Variants in PPP1R8 observed in about 807,000 individuals in gnomAD.
PPP1R8 encodes the protein protein phosphatase 1 regulatory subunit 8, also known as nuclear inhibitor of protein phosphatase 1.
A neutral mutation model predicts 31.3 loss-of-function variants in PPP1R8; 4 were observed. That is an observed-to-expected ratio of 0.13 (90% confidence interval 0.06 to 0.29). The LOEUF is 0.29. Among genes scored for constraint, PPP1R8 ranks in the 10% least tolerant of loss-of-function variants. The pLI, the probability that PPP1R8 is intolerant of heterozygous loss-of-function variation, is 1.00. For missense variants in PPP1R8, 254 were observed against 440.1 expected, an observed-to-expected ratio of 0.58 and a Z score of 3.78; for synonymous variants, 170 against 169.7, an observed-to-expected ratio of 1.00 and a Z score of -0.01.
At chr1:27,831,108 C>CTTTT in intron 1 of PPP1R8, 1 of 1,352,168 alleles carries the variant, frequency 7.4e-7, no homozygotes. Context: ...GGGTTGGGGG[C>CTTTT]TCAAAGGCGC....
chr1:27,831,630 A>G (rs760362385), intron 1 of PPP1R8, among the ~76,000 whole-genome samples: 1 of 152,188 alleles, frequency 6.6e-6, no homozygotes, highest in Non-Finnish European at 1.5e-5. Flanking sequence ...TTGTATTGCC[A>G]TCCTCAAGGG....
At chr1:27,833,695 C>T (rs796743153) in intron 2 of PPP1R8, among the ~76,000 whole-genome samples, 45 of 152,178 alleles carry the variant, frequency 3.0e-4, no homozygotes, top group African/African-American at 1.0e-3. Context: ...GTTCAAGGCC[C>T]CATTATTGAA....
chr1:27,848,779 T>G (rs2089310600), intron 6 of PPP1R8, among the ~76,000 whole-genome samples: 1 of 152,226 alleles, frequency 6.6e-6, no homozygotes, highest in South Asian at 2.1e-4. Context: ...CCTTGAGCTT[T>G]TTTGTTTGTT....
chr1:27,846,118 C>T (rs2089277862), intron 5 of PPP1R8, among the ~76,000 whole-genome samples: 1 of 152,138 alleles, frequency 6.6e-6, no homozygotes, highest in Non-Finnish European at 1.5e-5. Context: ...AACAAGCAAC[C>T]TCATTGAAAA....
chr1:27,840,936 T>C, intron 3 of PPP1R8, 78 bp from the exon 4 acceptor site: 1 of 1,441,610 alleles, frequency 6.9e-7, no homozygotes, highest in South Asian at 1.2e-5. Flanking sequence ...GATAAGAGAG[T>C]TGGCGATCAT....
intron 5 of PPP1R8, among the ~76,000 whole-genome samples, chr1:27,843,649 AAAG>A (rs1013722797): frequency 6.2e-5 from 9 of 146,160 alleles, no homozygotes; most frequent in Non-Finnish European, 1.2e-4. Flanking sequence ...GACAAAAAAA[AAAG>A]AAAGAAAAAG....
At chr1:27,845,575 C>T (rs983727234) in intron 5 of PPP1R8, among the ~76,000 whole-genome samples, 16 of 151,822 alleles carry the variant, frequency 1.1e-4, no homozygotes, top group Admixed American at 9.2e-4. Flanking sequence ...TGTCCTTTCT[C>T]GTCTATATAG....
chr1:27,846,905 AG>A, intron 5 of PPP1R8, 122 bp from the exon 6 acceptor site: 1 of 790,772 alleles, frequency 1.3e-6, no homozygotes, highest in Non-Finnish European at 2.2e-6. Context: ...GCACCCAGGA[AG>A]CACTCTCTGT....
intron 2 of PPP1R8, among the ~76,000 whole-genome samples, chr1:27,837,500 G>T (rs905628388): frequency 2.6e-5 from 4 of 151,814 alleles, no homozygotes; most frequent in Admixed American, 2.6e-4. Flanking sequence ...AGTTGGGCCG[G>T]GCGCAGCGGT....
At chr1:27,835,270 A>G (rs1039124786) in intron 2 of PPP1R8, among the ~76,000 whole-genome samples, 5 of 152,216 alleles carry the variant, frequency 3.3e-5, no homozygotes, top group African/African-American at 1.2e-4. Context: ...TTGTGACAGC[A>G]TAATCCATGT....
rs764734189 is a variant in PPP1R8, at chr1:27,830,821, A to G, written c.-15A>G. The G allele has an allele frequency of 7.0e-6, 11 of 1,571,978 alleles. No individual in the cohort carries two copies. Among genetic ancestry groups the G allele is most frequent in the African/African-American group, 1.4e-5 (1 of 73,852 alleles). On this transcript the variant is annotated 5_prime_UTR_variant, in exon 1 of 7. Coordinates refer to ENST00000311772, the MANE Select transcript of PPP1R8 (RefSeq NM_014110.5). ...GCGTGCTTAGGGCGCGCCAAATGGGAGGGGGAGACGCAAGATGGCGGCAGC... is the reference window on the plus strand; with the variant it reads ...GCGTGCTTAGGGCGCGCCAAATGGGGGGGGGAGACGCAAGATGGCGGCAGC...
At chr1:27,847,765 G>A (rs1192674663) in intron 6 of PPP1R8, among the ~76,000 whole-genome samples, 1 of 152,098 alleles carries the variant, frequency 6.6e-6, no homozygotes, top group African/African-American at 2.4e-5. Context: ...GTGCTGTTGA[G>A]TGAGTGCTTA....
At chr1:27,844,042 G>A (rs947083548) in intron 5 of PPP1R8, among the ~76,000 whole-genome samples, 3 of 151,648 alleles carry the variant, frequency 2.0e-5, no homozygotes, top group Admixed American at 1.3e-4. Flanking sequence ...TCATTCTGTC[G>A]CCCAGGCTAG....
intron 3 of PPP1R8, among the ~76,000 whole-genome samples, chr1:27,839,967 G>A (rs1314037571): frequency 6.6e-6 from 1 of 152,058 alleles, no homozygotes. Flanking sequence ...GGCTTAAGTG[G>A]GAGGATCGTT....
chr1:27,842,062 C>T (rs970520269), intron 4 of PPP1R8, among the ~76,000 whole-genome samples: 4 of 152,152 alleles, frequency 2.6e-5, no homozygotes, highest in African/African-American at 7.2e-5. Flanking sequence ...CAACTTAGGC[C>T]GGGCACAGTG....
chr1:27,838,562 T>C (rs1350518666), intron 2 of PPP1R8, 137 bp from the exon 3 acceptor site: 1 of 490,090 alleles, frequency 2.0e-6, no homozygotes. Flanking sequence ...TTTTCTTTTT[T>C]TGATGCAAGG....
Position 27,850,803 on chromosome 1 carries a change from C to CAT in PPP1R8, c.*358_*359insTA. Reference sequence around the variant, plus strand: ...GTTGAATCCAGAGCTGTAGAGGTTACAGTAGCATCACCAGCCTTGGGGGTC... The same window carrying CAT: ...GTTGAATCCAGAGCTGTAGAGGTTACATAGTAGCATCACCAGCCTTGGGGGTC... On this transcript the variant is annotated 3_prime_UTR_variant, in exon 7 of 7. Transcript: ENST00000311772. The CAT allele has an allele frequency of 5.4e-6, 1 of 185,608 alleles. No individual in the cohort carries two copies. Among genetic ancestry groups the CAT allele is most frequent in the Non-Finnish European group, 1.1e-5 (1 of 89,094 alleles). The allele number at this position is 185,608 out of a possible 1,614,324, so 11.5% of individuals were successfully genotyped here.
Position 27,851,630 on chromosome 1 carries a change from C to A in PPP1R8, c.*1184C>A. 2.0e-6 allele frequency: 1 copy of A among 497,950 alleles called. No homozygotes were observed. The highest frequency in any genetic ancestry group is 4.0e-6 in the Non-Finnish European group (1 of 248,744). 30.8% of individuals were successfully genotyped at this position (497,950 alleles called of 1,614,324 possible). On this transcript the variant is annotated 3_prime_UTR_variant, in exon 7 of 7. Transcript: ENST00000311772. Reference sequence around the variant, plus strand: ...TCACTGGGCTTGGGAGGCAATGCTCCATCCCCATTATATTACAAATAAAGA... The same window carrying A: ...TCACTGGGCTTGGGAGGCAATGCTCAATCCCCATTATATTACAAATAAAGA...
chr1:27,838,689 A>G lies in PPP1R8; in HGVS notation c.118-10A>G. 1 of 1,446,500 alleles carries G rather than the reference A, an allele frequency of 6.9e-7. No homozygotes were observed. 89.6% of individuals were successfully genotyped at this position (1,446,500 alleles called of 1,614,324 possible). ...AGATTTAAGTAATATTTAATTTAATATTTATTTAGAAACTGATTATTGATG... is the reference window on the plus strand; with the variant it reads ...AGATTTAAGTAATATTTAATTTAATGTTTATTTAGAAACTGATTATTGATG... On this transcript the variant is annotated splice_polypyrimidine_tract_variant and intron_variant, in intron 2 of 6. Transcript: ENST00000311772.
Sources: gnomAD v4.1 joint callset for allele counts (sites outside exome capture counted in the v4.1 genomes callset) on GRCh38, gnomAD v4.1.1 for gene constraint, MANE v1.5 for transcripts, NCBI Gene and HGNC (gene_info 2026-07-23, HGNC 2026-07-21) for gene names.